The following LEF1 variants were observed in gnomAD, a reference collection of about 807,000 sequenced individuals.
The protein encoded by LEF1 is lymphoid enhancer-binding factor 1.
In LEF1, 14 loss-of-function variants were observed where a neutral mutation model predicts 51.2. The ratio of observed to expected loss-of-function variants is 0.27; its 90% CI spans 0.18 to 0.43. The LOEUF is 0.43. Among genes scored for constraint, LEF1 ranks in the 20% least tolerant of loss-of-function variants. LEF1 has a pLI of 1.00. For synonymous variants in LEF1, 185 were observed against 183.2 expected (o/e 1.01, Z -0.08); for missense variants, 386 against 512.0 (o/e 0.75, Z 2.37).
At chr4:108,141,048 A>C (rs1743615470) in intron 3 of LEF1, among the ~76,000 whole-genome samples, 1 of 152,224 alleles carries the variant, frequency 6.6e-6, no homozygotes. Flanking sequence ...CATATATATT[A>C]GGTTAGAAAG....
intron 3 of LEF1, among the ~76,000 whole-genome samples, chr4:108,157,179 T>TATACACACACACACAC (rs780217431): frequency 1.6e-4 from 19 of 116,738 alleles, no homozygotes; most frequent in South Asian, 6.8e-4. Flanking sequence ...TATATATATA[T>TATACACACACACACAC]ACACACACAC....
At chr4:108,091,628 T>A (rs1351956417) in intron 3 of LEF1, among the ~76,000 whole-genome samples, 1 of 152,168 alleles carries the variant, frequency 6.6e-6, no homozygotes, top group Non-Finnish European at 1.5e-5. Flanking sequence ...ACAATTTTTC[T>A]CTACACACCT....
chr4:108,077,713 C>T (rs1026944456), intron 8 of LEF1, among the ~76,000 whole-genome samples: 11 of 149,972 alleles, frequency 7.3e-5, no homozygotes, highest in Admixed American at 2.6e-4. Context: ...AAGTGAGGGG[C>T]GCCTCTGCCC....
chr4:108,128,707 C>T (rs188738644), intron 3 of LEF1, among the ~76,000 whole-genome samples: 1 of 152,060 alleles, frequency 6.6e-6, no homozygotes, highest in African/African-American at 2.4e-5. Context: ...CGGTATGAAC[C>T]TATTGATTAT....
intron 9 of LEF1, 108 bp downstream of exon 9, chr4:108,070,555 A>C (rs1195272582): frequency 1.6e-6 from 1 of 626,422 alleles, no homozygotes; most frequent in East Asian, 2.6e-5. Flanking sequence ...TAACTTCCAA[A>C]AAATAAGTAG....
intron 3 of LEF1, among the ~76,000 whole-genome samples, chr4:108,130,771 G>A (rs1350271811): frequency 6.6e-6 from 1 of 150,992 alleles, no homozygotes; most frequent in Non-Finnish European, 1.5e-5. Flanking sequence ...GCTACTAAAT[G>A]TAAAATAACA....
At chr4:108,122,637 C>T (rs1046712089) in intron 3 of LEF1, among the ~76,000 whole-genome samples, 3 of 152,008 alleles carry the variant, frequency 2.0e-5, no homozygotes, top group Non-Finnish European at 4.4e-5. Context: ...ACCACCATGC[C>T]CAGCTAATTT....
rs57523476 is a variant in LEF1 at position 108,089,089 on chromosome 4, C to CAA, written c.547+34_547+35dup. Reference sequence around the variant, plus strand: ...TGATGAGATTTGGCTCTTCATTTGGCAAAAAAAAAGGGCCTGGAAAGACAG... The same window carrying CAA: ...TGATGAGATTTGGCTCTTCATTTGGCAAAAAAAAAAAGGGCCTGGAAAGACAG... On this transcript the variant is annotated intron_variant, in intron 4 of 11. Transcript: ENST00000265165. The CAA allele has an allele frequency of 1.8e-5, 29 of 1,579,052 alleles. No individual in the cohort carries two copies. The African/African-American group carries it at 2.9e-4, about 16-fold the overall frequency.
intron 6 of LEF1, among the ~76,000 whole-genome samples, chr4:108,081,242 C>T (rs1433785651): frequency 6.6e-6 from 1 of 152,162 alleles, no homozygotes; most frequent in African/African-American, 2.4e-5. Context: ...CCTTACCCCA[C>T]CCCCGGCATA....
At chr4:108,156,206 T>C (rs1008698006) in intron 3 of LEF1, among the ~76,000 whole-genome samples, 1 of 152,210 alleles carries the variant, frequency 6.6e-6, no homozygotes, top group Admixed American at 6.5e-5. Flanking sequence ...AACTAACAGA[T>C]AAGTACTTCC....
chr4:108,128,847 G>T (rs1346714974), intron 3 of LEF1, among the ~76,000 whole-genome samples: 1 of 152,068 alleles, frequency 6.6e-6, no homozygotes, highest in African/African-American at 2.4e-5. Flanking sequence ...TTCCTTTGTT[G>T]TTGGTTTAAT....
At chr4:108,069,475 G>A (rs1339940982) in intron 9 of LEF1, among the ~76,000 whole-genome samples, 1 of 152,166 alleles carries the variant, frequency 6.6e-6, no homozygotes, top group African/African-American at 2.4e-5. Context: ...GATAAAATTA[G>A]TATGACTTAA....
At position 108,048,825 on chromosome 4, in the gene LEF1, A is replaced by G. The variant is rs2126248952; in HGVS notation, c.*7-74T>C. 4 of 1,008,156 alleles carry G rather than the reference A, an allele frequency of 4.0e-6. No individual in the cohort carries two copies. The South Asian group carries it at 5.7e-5, about 14-fold the overall frequency. The allele number at this position is 1,008,156 out of a possible 1,614,324, so 62.5% of individuals were successfully genotyped here. ...CTTAAGATTATAACCTCTATTCCAT[A>G]CCATATATGTCTTACAACCTCTGCA... On this transcript the variant is annotated intron_variant, in intron 11 of 11. Coordinates refer to ENST00000265165, the MANE Select transcript of LEF1 (RefSeq NM_016269.5).
chr4:108,109,755 A>C (rs1741404246), intron 3 of LEF1, among the ~76,000 whole-genome samples: 1 of 152,208 alleles, frequency 6.6e-6, no homozygotes, highest in African/African-American at 2.4e-5. Flanking sequence ...TCAGGTTCTA[A>C]ACTATGGCCT....
intron 3 of LEF1, among the ~76,000 whole-genome samples, chr4:108,156,279 C>T (rs981934371): frequency 1.3e-5 from 2 of 152,242 alleles, no homozygotes; most frequent in South Asian, 2.1e-4. Context: ...TGCACTCCCC[C>T]GGCTGACTGT....
At chr4:108,064,310 T>A (rs1175396608) in intron 10 of LEF1, 26 bp downstream of exon 10, 1 of 1,575,922 alleles carries the variant, frequency 6.3e-7, no homozygotes, top group Admixed American at 1.7e-5. Flanking sequence ...GCCTGAGGAT[T>A]GACTGGAAAG....
At chr4:108,055,345 C>G (rs1480594955) in intron 11 of LEF1, among the ~76,000 whole-genome samples, 1 of 152,162 alleles carries the variant, frequency 6.6e-6, no homozygotes, top group East Asian at 1.9e-4. Context: ...TCACCATACT[C>G]CTTGTGGCAT....
At chr4:108,100,390 C>T (rs1740744359) in intron 3 of LEF1, among the ~76,000 whole-genome samples, 1 of 152,056 alleles carries the variant, frequency 6.6e-6, no homozygotes. Context: ...CCATGGAAAA[C>T]TGTAGTAGCA....
intron 3 of LEF1, among the ~76,000 whole-genome samples, chr4:108,142,180 A>G (rs1214121917): frequency 6.6e-6 from 1 of 152,258 alleles, no homozygotes; most frequent in Non-Finnish European, 1.5e-5. Flanking sequence ...GAACGGGTGC[A>G]GCTGCTAAAG....
Sources: gnomAD v4.1 joint callset for allele counts (sites outside exome capture counted in the v4.1 genomes callset) on GRCh38, gnomAD v4.1.1 for gene constraint, MANE v1.5 for transcripts, NCBI Gene and HGNC (gene_info 2026-07-23, HGNC 2026-07-21) for gene names.